The following KCND2 variants were observed in gnomAD, a reference collection of about 807,000 sequenced individuals.
The protein encoded by KCND2 is A-type voltage-gated potassium channel KCND2.
In KCND2, 16 loss-of-function variants were observed where a neutral mutation model predicts 54.4. The ratio of observed to expected loss-of-function variants is 0.29; its 90% CI spans 0.20 to 0.45. The LOEUF is 0.45. Among genes scored for constraint, KCND2 ranks in the 20% least tolerant of loss-of-function variants. The pLI is 1.00. For synonymous variants in KCND2, 317 were observed against 310.7 expected (o/e 1.02, Z -0.21); for missense variants, 486 against 824.2 (o/e 0.59, Z 5.02).
intron 1 of KCND2, among the ~76,000 whole-genome samples, chr7:120,701,366 G>A (rs1792400694): frequency 6.7e-6 from 1 of 149,934 alleles, no homozygotes; most frequent in South Asian, 2.1e-4. Context: ...AGTCTTCAAA[G>A]CTCTTCCTGC....
intron 1 of KCND2, among the ~76,000 whole-genome samples, chr7:120,533,055 T>C (rs1393607332): frequency 1.3e-5 from 2 of 152,100 alleles, no homozygotes. Flanking sequence ...TCAATAGTAT[T>C]ATTTAACATC....
intron 1 of KCND2, among the ~76,000 whole-genome samples, chr7:120,563,412 G>T (rs1006803529): frequency 2.0e-5 from 3 of 151,954 alleles, no homozygotes; most frequent in Non-Finnish European, 4.4e-5. Context: ...CTCCCATTCA[G>T]TTCTACTTGT....
intron 1 of KCND2, among the ~76,000 whole-genome samples, chr7:120,599,218 A>G (rs1472299106): frequency 6.6e-6 from 1 of 152,122 alleles, no homozygotes; most frequent in East Asian, 1.9e-4. Flanking sequence ...TGTCTTGAAT[A>G]CTGTAGCTTC....
intron 1 of KCND2, among the ~76,000 whole-genome samples, chr7:120,413,822 T>A (rs1801485513): frequency 6.6e-6 from 1 of 151,540 alleles, no homozygotes; most frequent in Non-Finnish European, 1.5e-5. Flanking sequence ...TACTAGGAAT[T>A]TTTTTTTTCT....
intron 1 of KCND2, among the ~76,000 whole-genome samples, chr7:120,593,395 C>T (rs901507614): frequency 3.0e-4 from 45 of 152,084 alleles, no homozygotes; most frequent in African/African-American, 1.0e-3. Flanking sequence ...CAGATGAGGT[C>T]GGTCTACAGA....
intron 1 of KCND2, among the ~76,000 whole-genome samples, chr7:120,291,875 A>C (rs1033552328): frequency 6.6e-6 from 1 of 151,940 alleles, no homozygotes; most frequent in East Asian, 1.9e-4. Context: ...GAGCTCAAGG[A>C]ACATAGAAAT....
At chr7:120,539,798 C>T (rs537118449) in intron 1 of KCND2, among the ~76,000 whole-genome samples, 1 of 151,956 alleles carries the variant, frequency 6.6e-6, no homozygotes, top group African/African-American at 2.4e-5. Context: ...CAAAAAATCC[C>T]AATCCCAATA....
chr7:120,560,766 G>T (rs944725069), intron 1 of KCND2, among the ~76,000 whole-genome samples: 1 of 152,118 alleles, frequency 6.6e-6, no homozygotes, highest in African/African-American at 2.4e-5. Flanking sequence ...GTTCCTCTCA[G>T]TGTCTCACAT....
At chr7:120,670,784 C>T (rs973560084) in intron 1 of KCND2, among the ~76,000 whole-genome samples, 2 of 151,740 alleles carry the variant, frequency 1.3e-5, no homozygotes, top group Non-Finnish European at 1.5e-5. Context: ...GGCGTGGTGG[C>T]GGGTGCCTGT....
intron 1 of KCND2, among the ~76,000 whole-genome samples, chr7:120,629,393 G>A (rs1306804412): frequency 2.0e-5 from 3 of 152,204 alleles, no homozygotes; most frequent in African/African-American, 7.2e-5. Flanking sequence ...GGCTGAGGCA[G>A]GAGAATGGCG....
chr7:120,673,610 C>T (rs978192124), intron 1 of KCND2, among the ~76,000 whole-genome samples: 1 of 152,264 alleles, frequency 6.6e-6, no homozygotes, highest in South Asian at 2.1e-4. Flanking sequence ...TTGCTGGTTT[C>T]CCATCTTACT....
Position 120,745,928 on chromosome 7 carries a change from G to T in KCND2, c.1616G>T (p.Arg539Leu), listed in dbSNP as rs376772376. Residue 539 changes from arginine to leucine, a missense_variant, in exon 5 of 6, where the codon CGC becomes CTC. Arg to Leu is a moderately radical substitution (Grantham distance 102, BLOSUM62 -2). Around this residue, in one of 7 missense-constraint regions of KCND2, gnomAD observed 202 missense variants for 252.7 expected, o/e 0.80. Transcript: ENST00000331113. ...TCACGACGACACAAAAAAACTTTTC[G>T]CATCCCAAATGCCAATGTATCAGGA... ...CCSRRHKKTFRIPNANVSGSH... is the reference protein window; with the variant it reads ...CCSRRHKKTFLIPNANVSGSH... 89 of 1,613,682 alleles carry T rather than the reference G, an allele frequency of 5.5e-5. No homozygotes were observed. Among genetic ancestry groups the T allele is most frequent in the Non-Finnish European group, 7.6e-6 (9 of 1,179,832 alleles).
chr7:120,478,831 A>G (rs777170810), intron 1 of KCND2, among the ~76,000 whole-genome samples: 3 of 152,146 alleles, frequency 2.0e-5, no homozygotes, highest in Non-Finnish European at 1.5e-5. Context: ...ACCATCCTGA[A>G]GATTTTGTAA....
chr7:120,523,823 ATATT>A (rs967666327), intron 1 of KCND2, among the ~76,000 whole-genome samples: 9 of 150,388 alleles, frequency 6.0e-5, no homozygotes, highest in African/African-American at 2.2e-4. Flanking sequence ...TTATATATAT[ATATT>A]CAGCAACATA....
At chr7:120,624,823 A>G (rs1793145259) in intron 1 of KCND2, among the ~76,000 whole-genome samples, 1 of 152,096 alleles carries the variant, frequency 6.6e-6, no homozygotes, top group African/African-American at 2.4e-5. Context: ...AAAATAAGTC[A>G]ATCAAGTATC....
chr7:120,494,579 T>C (rs555274154), intron 1 of KCND2, among the ~76,000 whole-genome samples: 2 of 152,286 alleles, frequency 1.3e-5, no homozygotes, highest in African/African-American at 4.8e-5. Flanking sequence ...AAAATATGTT[T>C]ATGTTTCTAG....
chr7:120,660,114 G>A (rs1791848245), intron 1 of KCND2, among the ~76,000 whole-genome samples: 1 of 152,126 alleles, frequency 6.6e-6, no homozygotes, highest in Admixed American at 6.5e-5. Context: ...TCCCCCTTCT[G>A]CAACACATGG....
chr7:120,413,969 A>G (rs1801488072), intron 1 of KCND2, among the ~76,000 whole-genome samples: 1 of 150,902 alleles, frequency 6.6e-6, no homozygotes, highest in Admixed American at 6.6e-5. Flanking sequence ...TTTTCAGAAC[A>G]TGTACAATAA....
At chr7:120,359,652 T>C (rs909598243) in intron 1 of KCND2, among the ~76,000 whole-genome samples, 1 of 152,140 alleles carries the variant, frequency 6.6e-6, no homozygotes, top group Non-Finnish European at 1.5e-5. Context: ...ATACTTAATA[T>C]GGGAAAAGTT....
Sources: gnomAD v4.1 joint callset for allele counts (sites outside exome capture counted in the v4.1 genomes callset) on GRCh38, gnomAD v4.1.1 for gene constraint, gnomAD v4.1.1 regional missense constraint, MANE v1.5 for transcripts, NCBI Gene and HGNC (gene_info 2026-07-23, HGNC 2026-07-21) for gene names.